The following ST3GAL3 variants were observed in gnomAD, a reference collection of about 807,000 sequenced individuals.
ST3GAL3 encodes the protein CMP-N-acetylneuraminate-beta-1,4-galactoside alpha-2,3-sialyltransferase.
A neutral mutation model predicts 50.1 loss-of-function variants in ST3GAL3; 21 were observed. That is an observed-to-expected ratio of 0.42 (90% CI 0.30 to 0.60). ST3GAL3 has a LOEUF of 0.60. Ranked by LOEUF, ST3GAL3 falls within the 20% of genes least tolerant of loss-of-function variation. ST3GAL3 has a pLI of 0.19. For missense variants in ST3GAL3, 353 were observed against 489.4 expected, an observed-to-expected ratio of 0.72 and a Z score of 2.63; for synonymous variants, 183 against 190.0, an observed-to-expected ratio of 0.96 and a Z score of 0.30.
At chr1:43,843,821 G>A (rs1271168182) in intron 5 of ST3GAL3, among the ~76,000 whole-genome samples, 1 of 152,136 alleles carries the variant, frequency 6.6e-6, no homozygotes, top group African/African-American at 2.4e-5. Context: ...ACACTAATGG[G>A]TGTCCTATAA....
chr1:43,837,539 A>G (rs1239763380), intron 4 of ST3GAL3, among the ~76,000 whole-genome samples: 1 of 152,224 alleles, frequency 6.6e-6, no homozygotes, highest in Non-Finnish European at 1.5e-5. Flanking sequence ...GGAACATACA[A>G]GGAAGGTGGA....
intron 9 of ST3GAL3, among the ~76,000 whole-genome samples, chr1:43,902,030 C>A (rs1233760839): frequency 6.6e-6 from 1 of 152,240 alleles, no homozygotes; most frequent in Non-Finnish European, 1.5e-5. Context: ...ACCCCAAGCC[C>A]AAGGCTAATG....
Position 43,930,156 on chromosome 1 carries a change from GAGAA to G in ST3GAL3, c.1067_1070del (p.Lys356SerfsTer7). On this transcript the variant is annotated frameshift_variant, in exon 12 of 12. Transcript: ENST00000347631. LOFTEE classifies it high-confidence loss of function. ...GTCCTGGACGCACAATATCCAGCGA[GAGAA>G]AGAGTTTCTGCGGAAGCTGGTGAAA... 6.2e-7 allele frequency: 1 copy of G among 1,614,226 alleles called. No individual in the cohort carries two copies. The highest frequency in any genetic ancestry group is 8.5e-7 in the Non-Finnish European group (1 of 1,180,054).
intron 9 of ST3GAL3, among the ~76,000 whole-genome samples, chr1:43,905,573 C>T (rs2154278520): frequency 1.4e-5 from 1 of 71,574 alleles, no homozygotes; most frequent in East Asian, 3.6e-4. Context: ...ACTGTTTCTC[C>T]CCCTCCTCCT....
At chr1:43,756,449 T>C (rs979547902) in intron 2 of ST3GAL3, among the ~76,000 whole-genome samples, 2 of 152,206 alleles carry the variant, frequency 1.3e-5, no homozygotes, top group African/African-American at 2.4e-5. Context: ...TGATGCAGTT[T>C]ATTATATGTA....
intron 3 of ST3GAL3, among the ~76,000 whole-genome samples, chr1:43,794,103 A>G (rs2058415892): frequency 7.2e-6 from 1 of 138,264 alleles, no homozygotes; most frequent in African/African-American, 2.6e-5. Flanking sequence ...AAAAAAAAAA[A>G]GAAGGAAAAA....
At chr1:43,927,045 T>A (rs146055616) in intron 11 of ST3GAL3, among the ~76,000 whole-genome samples, 107 of 152,212 alleles carry the variant, frequency 7.0e-4, no homozygotes, top group African/African-American at 2.5e-3. Context: ...AATACTTCAT[T>A]CAGGCCGGGC....
At chr1:43,911,639 C>A (rs1557497352) in intron 9 of ST3GAL3, among the ~76,000 whole-genome samples, 1 of 147,264 alleles carries the variant, frequency 6.8e-6, no homozygotes, top group African/African-American at 2.5e-5. Flanking sequence ...ATATCTATAT[C>A]TATAGATATA....
chr1:43,882,281 A>G (rs942018532), intron 5 of ST3GAL3, among the ~76,000 whole-genome samples: 2 of 152,174 alleles, frequency 1.3e-5, no homozygotes, highest in African/African-American at 4.8e-5. Flanking sequence ...GGAGGCGTTA[A>G]AGAGCCTGAT....
At chr1:43,907,189 T>C (rs1170981944) in intron 9 of ST3GAL3, among the ~76,000 whole-genome samples, 1 of 152,202 alleles carries the variant, frequency 6.6e-6, no homozygotes, top group Non-Finnish European at 1.5e-5. Context: ...GGACCGAAGG[T>C]GTTTCACTTT....
chr1:43,917,605 A>ATATATTATATTATATAT (rs55852728), intron 9 of ST3GAL3, among the ~76,000 whole-genome samples: 3 of 70,748 alleles, frequency 4.2e-5, no homozygotes, highest in African/African-American at 1.3e-4. Flanking sequence ...TATATATATT[A>ATATATTATATTATATAT]TATATTATAT....
At chr1:43,866,364 C>T (rs558417080) in intron 5 of ST3GAL3, among the ~76,000 whole-genome samples, 1 of 152,182 alleles carries the variant, frequency 6.6e-6, no homozygotes, top group Non-Finnish European at 1.5e-5. Context: ...ATCACTTGAG[C>T]CCTGTAGTTT....
intron 2 of ST3GAL3, among the ~76,000 whole-genome samples, chr1:43,783,813 A>G (rs1700113000): frequency 6.6e-6 from 1 of 152,042 alleles, no homozygotes; most frequent in Non-Finnish European, 1.5e-5. Context: ...TGTCCCTGTG[A>G]ACGCTGTTGC....
At chr1:43,719,434 A>C (rs954584001) in intron 1 of ST3GAL3, among the ~76,000 whole-genome samples, 8 of 151,606 alleles carry the variant, frequency 5.3e-5, no homozygotes, top group Admixed American at 1.3e-4. Flanking sequence ...GGCCGAGATG[A>C]GCGGATTGCC....
intron 1 of ST3GAL3, among the ~76,000 whole-genome samples, chr1:43,709,895 G>A (rs1315611900): frequency 2.0e-5 from 3 of 152,114 alleles, no homozygotes; most frequent in Non-Finnish European, 4.4e-5. Context: ...AAAGTGTTGA[G>A]AATATATGCG....
intron 9 of ST3GAL3, among the ~76,000 whole-genome samples, chr1:43,914,933 C>G (rs537329249): frequency 6.6e-6 from 1 of 151,728 alleles, no homozygotes; most frequent in Non-Finnish European, 1.5e-5. Flanking sequence ...TTTCTCCACC[C>G]GTCCGTTTCC....
At chr1:43,797,385 C>G (rs1018148095) in intron 3 of ST3GAL3, among the ~76,000 whole-genome samples, 1 of 152,074 alleles carries the variant, frequency 6.6e-6, no homozygotes, top group Non-Finnish European at 1.5e-5. Flanking sequence ...ATTTATCATT[C>G]GTGTCTTCAG....
At chr1:43,876,918 T>C (rs1332995855) in intron 5 of ST3GAL3, among the ~76,000 whole-genome samples, 2 of 152,130 alleles carry the variant, frequency 1.3e-5, no homozygotes, top group African/African-American at 4.8e-5. Flanking sequence ...CAAGGCATGG[T>C]GATAAAACTG....
chr1:43,906,670 TTCC>T (rs1428822255), intron 9 of ST3GAL3, among the ~76,000 whole-genome samples: 1 of 151,364 alleles, frequency 6.6e-6, no homozygotes, highest in Non-Finnish European at 1.5e-5. Context: ...CCCGCCACTC[TTCC>T]TCCTCCTGTT....
Sources: allele counts gnomAD v4.1 joint callset (sites outside exome capture counted in the v4.1 genomes callset), GRCh38; gene constraint gnomAD v4.1.1; transcripts MANE v1.5; gene names NCBI Gene and HGNC (gene_info 2026-07-23, HGNC 2026-07-21).